TTC21B: variants seen among roughly 807,000 people sequenced by gnomAD.
The protein encoded by TTC21B is tetratricopeptide repeat protein 21B.
TTC21B carries 127 observed loss-of-function variants against 175.1 expected under a neutral mutation model. The ratio of observed to expected loss-of-function variants is 0.73; its 90% CI spans 0.63 to 0.84. TTC21B has a LOEUF of 0.84. TTC21B is among the 40% of genes least tolerant of loss of function. The pLI, the probability that TTC21B is intolerant of heterozygous loss-of-function variation, is 0.00. For synonymous variants in TTC21B, 524 were observed against 524.5 expected, an observed-to-expected ratio of 1.00 and a Z score of 0.01; for missense variants, 1,561 against 1,558.3, an observed-to-expected ratio of 1.00 and a Z score of -0.03.
At chr2:165,932,850 T>G in intron 7 of TTC21B, 123 bp downstream of exon 7, 1 of 850,596 alleles carries the variant, frequency 1.2e-6, no homozygotes. Flanking sequence ...AAAACTACCA[T>G]GATGTATATT....
intron 12 of TTC21B, among the ~76,000 whole-genome samples, chr2:165,923,743 G>GTTTTTT (rs1190876494): frequency 6.5e-5 from 7 of 107,300 alleles, no homozygotes; most frequent in Non-Finnish European, 9.1e-5. Context: ...CGCCCAGCTG[G>GTTTTTT]TTTTTTTTTT....
chr2:165,883,501 G>A (rs921245977), intron 26 of TTC21B, among the ~76,000 whole-genome samples: 3 of 152,218 alleles, frequency 2.0e-5, no homozygotes, highest in African/African-American at 7.2e-5. Flanking sequence ...GTTCTGGGAT[G>A]AGATGGATAA....
chr2:165,924,045 A>G (rs1284093534), intron 12 of TTC21B, among the ~76,000 whole-genome samples: 1 of 151,878 alleles, frequency 6.6e-6, no homozygotes, highest in African/African-American at 2.4e-5. Flanking sequence ...GAGCCACCGC[A>G]CCCAGCCATG....
intron 4 of TTC21B, among the ~76,000 whole-genome samples, chr2:165,944,319 A>G (rs931570146): frequency 2.0e-5 from 3 of 152,134 alleles, no homozygotes; most frequent in African/African-American, 4.8e-5. Context: ...TCTTATGCCA[A>G]TGTATTTTCT....
chr2:165,885,559 C>T (rs1684975996), intron 25 of TTC21B, among the ~76,000 whole-genome samples: 1 of 152,108 alleles, frequency 6.6e-6, no homozygotes, highest in African/African-American at 2.4e-5. Context: ...CTCAGCCCAC[C>T]TCAGGTGGGC....
chr2:165,923,244 TA>T (rs1378385988), intron 12 of TTC21B, among the ~76,000 whole-genome samples: 1 of 151,340 alleles, frequency 6.6e-6, no homozygotes, highest in African/African-American at 2.4e-5. Flanking sequence ...AAAATTGAAA[TA>T]AAAAATAAAA....
At position 165,888,458 on chromosome 2, in the gene TTC21B, G is replaced by A; in HGVS notation, c.3280C>T (p.Gln1094Ter). Residue 1094 changes from glutamine to a stop codon, truncating the protein, a stop_gained, in exon 25 of 29, where the codon CAA becomes TAA. Transcript: ENST00000243344. LOFTEE classifies it high-confidence loss of function. The part of the protein sequence containing the change: ...DGDLGNSTEK[Q>*]ESVQLAVRTA... ...CTTACTGCCAGTTGCACAGATTCTTGCTTCTCAGTTGAATTACTGTATATA... is the reference window on the plus strand; with the variant it reads ...CTTACTGCCAGTTGCACAGATTCTTACTTCTCAGTTGAATTACTGTATATA... 6.2e-7 allele frequency: 1 copy of A among 1,613,072 alleles called. No homozygotes were observed. The highest frequency in any genetic ancestry group is 8.5e-7 in the Non-Finnish European group (1 of 1,179,354).
At chr2:165,947,194 T>TATATATATA (rs1398243099) in intron 3 of TTC21B, 7 of 52,226 alleles carry the variant, frequency 1.3e-4, no homozygotes, top group African/African-American at 9.6e-4. Flanking sequence ...ATATATATAT[T>TATATATATA]AGTATCTGCT....
At chr2:165,948,959 G>C (rs1472581041) in intron 3 of TTC21B, 1 of 178,222 alleles carries the variant, frequency 5.6e-6, no homozygotes, top group Non-Finnish European at 1.2e-5. Flanking sequence ...TATCTCCCAA[G>C]AGCTAGCCCT....
At chr2:165,901,235 G>A (rs774789140) in intron 20 of TTC21B, among the ~76,000 whole-genome samples, 18 of 152,150 alleles carry the variant, frequency 1.2e-4, no homozygotes, top group South Asian at 2.1e-4. Context: ...AAGGCATCAT[G>A]TAAGATTTTG....
rs1685784440 is a variant in TTC21B at position 165,907,673 on chromosome 2, T to A, written c.2568+5A>T. 1 of 1,592,858 alleles carries A rather than the reference T, an allele frequency of 6.3e-7. No individual in the cohort carries two copies. The highest frequency in any genetic ancestry group is 1.3e-5 in the African/African-American group (1 of 74,570). ...ATGACCACACTCACAGACAAATGTGTTTACCTGTTGTAATGCAGTGATCGC... is the reference window on the plus strand; with the variant it reads ...ATGACCACACTCACAGACAAATGTGATTACCTGTTGTAATGCAGTGATCGC... On this transcript the variant is annotated splice_donor_5th_base_variant and intron_variant, in intron 19 of 28. Coordinates refer to ENST00000243344, the MANE Select transcript of TTC21B (RefSeq NM_024753.5).
chr2:165,916,967 C>G (rs1209123151), intron 14 of TTC21B, among the ~76,000 whole-genome samples: 2 of 152,154 alleles, frequency 1.3e-5, no homozygotes, highest in Non-Finnish European at 2.9e-5. Flanking sequence ...ACCTCCGCCT[C>G]CTAGGTTCAA....
chr2:165,906,335 T>C (rs1042289888), intron 19 of TTC21B, among the ~76,000 whole-genome samples: 2 of 146,590 alleles, frequency 1.4e-5, no homozygotes, highest in Non-Finnish European at 1.5e-5. Flanking sequence ...GGTTAAAACA[T>C]TTAATGAAGC....
At chr2:165,942,955 T>C (rs777565602) in intron 5 of TTC21B, among the ~76,000 whole-genome samples, 2 of 152,174 alleles carry the variant, frequency 1.3e-5, no homozygotes, top group Admixed American at 6.5e-5. Context: ...ACATAATAAA[T>C]GCTGAGGAAA....
Position 165,917,408 on chromosome 2 carries a change from A to T in TTC21B, c.1748T>A (p.Ile583Asn). ...ACTCATTGCCATATGCAGTGTTTTA[A>T]TTGCGTCTGCTATTTCTCCCATTTT... ...QKKMGEIADA[I>N]KTLHMAMSLP... Residue 583 changes from isoleucine to asparagine, a missense_variant, in exon 14 of 29, where the codon ATT becomes AAT. By Grantham distance (149) the Ile-to-Asn change is moderately radical (BLOSUM62 -3). Coordinates refer to ENST00000243344, the MANE Select transcript of TTC21B (RefSeq NM_024753.5). 1 of 1,614,116 alleles carries T rather than the reference A, an allele frequency of 6.2e-7. No individual in the cohort carries two copies. The highest frequency in any genetic ancestry group is 8.5e-7 in the Non-Finnish European group (1 of 1,180,012).
chr2:165,937,985 T>C (rs1483049305), intron 6 of TTC21B, among the ~76,000 whole-genome samples: 4 of 152,080 alleles, frequency 2.6e-5, no homozygotes, highest in Non-Finnish European at 5.9e-5. Flanking sequence ...CCTGGACAGC[T>C]TGTCGTACCA....
chr2:165,929,058 A>G, intron 11 of TTC21B, 77 bp downstream of exon 11: 1 of 1,341,462 alleles, frequency 7.5e-7, no homozygotes, highest in Non-Finnish European at 1.1e-6. Context: ...AGTCTAATGC[A>G]TCAAAGAAAA....
At chr2:165,935,447 TTAAA>T (rs1332977811) in intron 6 of TTC21B, among the ~76,000 whole-genome samples, 2 of 152,154 alleles carry the variant, frequency 1.3e-5, no homozygotes, top group African/African-American at 4.8e-5. Context: ...TGCGGAGAGA[TTAAA>T]TAAATTATTT....
intron 11 of TTC21B, 71 bp downstream of exon 11, chr2:165,929,064 G>A (rs1686783806): frequency 1.4e-6 from 2 of 1,430,182 alleles, no homozygotes; most frequent in African/African-American, 2.8e-5. Flanking sequence ...ATGCATCAAA[G>A]AAAACTTTTA....
Sources: gnomAD v4.1 joint callset for allele counts (sites outside exome capture counted in the v4.1 genomes callset) on GRCh38, gnomAD v4.1.1 for gene constraint, MANE v1.5 for transcripts, NCBI Gene and HGNC (gene_info 2026-07-23, HGNC 2026-07-21) for gene names.